Variants in NRXN3 observed in about 807,000 individuals in gnomAD.
NRXN3 encodes the protein neurexin 3, also known as neurexin III.
A neutral mutation model predicts 137.6 loss-of-function variants in NRXN3; 32 were observed. The ratio of observed to expected loss-of-function variants is 0.23; its 90% confidence interval spans 0.18 to 0.31. The LOEUF is 0.31. Ranked by LOEUF, NRXN3 falls within the 10% of genes least tolerant of loss-of-function variation. The pLI, the probability that NRXN3 is intolerant of heterozygous loss-of-function variation, is 1.00. For missense variants in NRXN3, 1,574 were observed against 2,062.5 expected (o/e 0.76, Z 4.59); for synonymous variants, 798 against 784.5 (o/e 1.02, Z -0.29).
intron 20 of NRXN3, among the ~76,000 whole-genome samples, chr14:79,835,277 T>C (rs747470335): frequency 2.0e-5 from 3 of 152,138 alleles, no homozygotes; most frequent in Non-Finnish European, 2.9e-5. Context: ...AACATTATGT[T>C]GCACATGATA....
At chr14:79,752,764 C>G (rs1030464261) in intron 19 of NRXN3, among the ~76,000 whole-genome samples, 1 of 151,902 alleles carries the variant, frequency 6.6e-6, no homozygotes, top group Non-Finnish European at 1.5e-5. Flanking sequence ...AAGAAACTAC[C>G]ATCAGAGTGA....
chr14:78,516,123 A>G (rs1424394518), intron 4 of NRXN3, among the ~76,000 whole-genome samples: 2 of 152,072 alleles, frequency 1.3e-5, no homozygotes, highest in African/African-American at 2.4e-5. Context: ...TGCCTCAATC[A>G]CAAAATTCAT....
intron 4 of NRXN3, among the ~76,000 whole-genome samples, chr14:78,550,029 ACT>A (rs1491440076): frequency 3.8e-5 from 5 of 132,068 alleles, no homozygotes; most frequent in Admixed American, 8.3e-5. Flanking sequence ...GATTCTGCAA[ACT>A]TTTTTTTTTT....
chr14:79,741,882 TAC>T (rs1354785475), intron 19 of NRXN3, among the ~76,000 whole-genome samples: 4 of 152,260 alleles, frequency 2.6e-5, no homozygotes, highest in African/African-American at 7.2e-5. Context: ...TATATGTATA[TAC>T]ACAGACATAT....
chr14:79,864,727 T>G lies in NRXN3; in HGVS notation c.*2763T>G, dbSNP rs1468958444. 1 of 152,230 alleles carries G rather than the reference T, an allele frequency of 6.6e-6. No individual in the cohort carries two copies. The highest frequency in any genetic ancestry group is 1.5e-5 in the Non-Finnish European group (1 of 68,106). 9.4% of individuals were successfully genotyped at this position (152,230 alleles called of 1,614,324 possible). On this transcript the variant is annotated 3_prime_UTR_variant, in exon 21 of 21. Coordinates refer to ENST00000335750, the MANE Select transcript of NRXN3 (RefSeq NM_001330195.2). The stretch of plus-strand genomic sequence containing the variant: ...ATTGGATACTATGGTTTTGTTTGTT[T>G]GTTTTTGTTTTTTGTTTTTCGTTTT...
At chr14:78,886,143 CACTA>C (rs2099143004) in intron 10 of NRXN3, among the ~76,000 whole-genome samples, 1 of 152,138 alleles carries the variant, frequency 6.6e-6, no homozygotes, top group Admixed American at 6.6e-5. Flanking sequence ...TGCTTTGTTG[CACTA>C]ACTCAGTCCT....
intron 15 of NRXN3, among the ~76,000 whole-genome samples, chr14:79,123,196 A>C (rs754203706): frequency 1.3e-5 from 2 of 151,526 alleles, no homozygotes; most frequent in African/African-American, 2.4e-5. Context: ...CAATGAAATG[A>C]TTTTCTATGG....
rs144858711 is a variant in NRXN3, at chr14:79,553,667, C to G, written c.3444+86265C>G. On this transcript the variant is annotated intron_variant, in intron 16 of 20. Coordinates refer to ENST00000335750, the MANE Select transcript of NRXN3 (RefSeq NM_001330195.2). ...AAGGAGGAAGGTGGTGCTGACACCT[C>G]TGGATCTTACACTTGGGTTTAGAAC... 2.4e-3 allele frequency among the ~76,000 whole-genome samples: 361 copies of G among 152,300 alleles called. 2 individuals are homozygous for G. Among genetic ancestry groups the G allele is most frequent in the African/African-American group, 8.5e-3 (353 of 41,582 alleles).
intron 15 of NRXN3, chr14:79,314,184 G>T (rs2087773907): frequency 6.9e-6 from 1 of 145,414 alleles, no homozygotes; most frequent in Admixed American, 6.9e-5. Flanking sequence ...GTGCCAGACA[G>T]TGGGCGCAGG....
At chr14:79,137,677 A>G (rs953970135) in intron 15 of NRXN3, among the ~76,000 whole-genome samples, 2 of 152,258 alleles carry the variant, frequency 1.3e-5, no homozygotes, top group South Asian at 4.1e-4. Flanking sequence ...TTCATTACCC[A>G]TTTCCTGGAT....
intron 16 of NRXN3, among the ~76,000 whole-genome samples, chr14:79,590,662 A>G (rs2097795869): frequency 1.3e-5 from 2 of 152,094 alleles, no homozygotes; most frequent in South Asian, 4.1e-4. Context: ...TATGGCCACC[A>G]TGGAAACCAT....
chr14:78,653,160 C>G (rs536760183), intron 6 of NRXN3, among the ~76,000 whole-genome samples: 1 of 152,182 alleles, frequency 6.6e-6, no homozygotes, highest in Non-Finnish European at 1.5e-5. Context: ...GTGCTATTAT[C>G]TCTCTGCAGG....
At chr14:79,855,650 T>C in intron 20 of NRXN3, among the ~76,000 whole-genome samples, 1 of 152,134 alleles carries the variant, frequency 6.6e-6, no homozygotes, top group Admixed American at 6.5e-5. Context: ...ATAATTATAC[T>C]TCTACTTTAG....
In NRXN3 at chr14:79,376,249, T is replaced by C. The variant is rs1412703770; in HGVS notation, c.3263-90972T>C. Among the ~76,000 whole-genome samples, 40 of 73,712 alleles carry C rather than the reference T, an allele frequency of 5.4e-4. 1 individual carries two copies. The highest frequency in any genetic ancestry group is 1.2e-3 in the African/African-American group (26 of 21,554). 48.4% of individuals were successfully genotyped at this position (73,712 alleles called of 152,430 possible). ...ATATATATATATATATATATATATA[T>C]ATATATATATATATATACACATACA... On this transcript the variant is annotated intron_variant, in intron 15 of 20. Transcript: ENST00000335750.
At chr14:79,633,901 T>C (rs971162480) in intron 16 of NRXN3, among the ~76,000 whole-genome samples, 1 of 152,104 alleles carries the variant, frequency 6.6e-6, no homozygotes, top group African/African-American at 2.4e-5. Context: ...AGCATTCACA[T>C]GGGCCCCCAC....
chr14:78,419,387 G>A (rs747803589), intron 4 of NRXN3, among the ~76,000 whole-genome samples: 2 of 152,042 alleles, frequency 1.3e-5, no homozygotes, highest in African/African-American at 2.4e-5. Context: ...ACAGGTGCTT[G>A]CCTCTACCAC....
At chr14:78,690,436 C>T (rs545199308) in intron 6 of NRXN3, among the ~76,000 whole-genome samples, 1 of 152,310 alleles carries the variant, frequency 6.6e-6, no homozygotes, top group African/African-American at 2.4e-5. Flanking sequence ...GTATCCCTTA[C>T]ATGATATCCA....
chr14:78,878,824 C>A (rs543382976), intron 10 of NRXN3, among the ~76,000 whole-genome samples: 7 of 152,112 alleles, frequency 4.6e-5, no homozygotes, highest in African/African-American at 7.2e-5. Flanking sequence ...GAATTTTGTA[C>A]CCTTTGGTCA....
chr14:79,559,035 G>C (rs1469995898), intron 16 of NRXN3, among the ~76,000 whole-genome samples: 1 of 152,054 alleles, frequency 6.6e-6, no homozygotes, highest in East Asian at 1.9e-4. Flanking sequence ...TCATAGACTT[G>C]AAGAGAGCTA....
Sources: allele counts gnomAD v4.1 joint callset (sites outside exome capture counted in the v4.1 genomes callset), GRCh38; gene constraint gnomAD v4.1.1; transcripts MANE v1.5; gene names NCBI Gene and HGNC (gene_info 2026-07-23, HGNC 2026-07-21).